The following MYO16 variants were observed in gnomAD, a reference collection of about 807,000 sequenced individuals.
The protein encoded by MYO16 is unconventional myosin-XVI.
MYO16 carries 94 observed loss-of-function variants against 205.3 expected under a neutral mutation model. The observed-to-expected ratio is 0.46, with a 90% CI of 0.39 to 0.54. The LOEUF (loss-of-function observed/expected upper bound fraction) is 0.54. Ranked by LOEUF, MYO16 falls within the 20% of genes least tolerant of loss-of-function variation. The pLI is 0.00. For synonymous variants in MYO16, 988 were observed against 954.0 expected (o/e 1.04, Z -0.66); for missense variants, 2,315 against 2,387.5 (o/e 0.97, Z 0.63).
the MYO16 span, among the ~76,000 whole-genome samples, chr13:108,554,564 T>C: frequency 6.6e-6 from 1 of 152,126 alleles, no homozygotes; most frequent in Non-Finnish European, 1.5e-5. Flanking sequence ...AAACCATCTG[T>C]CTCAGCCGGG....
intron 27 of MYO16, among the ~76,000 whole-genome samples, chr13:109,071,149 T>TA (rs779098927): frequency 6.6e-6 from 1 of 152,142 alleles, no homozygotes; most frequent in Non-Finnish European, 1.5e-5. Context: ...CATATTTTTT[T>TA]AAAAAACACG....
intron 7 of MYO16, among the ~76,000 whole-genome samples, chr13:108,810,641 T>C (rs536078852): frequency 2.1e-5 from 3 of 145,200 alleles, no homozygotes; most frequent in Non-Finnish European, 3.1e-5. Flanking sequence ...TGAATATCAA[T>C]TTATATGCAT....
intron 4 of MYO16, among the ~76,000 whole-genome samples, chr13:108,762,421 C>T (rs1329153486): frequency 1.3e-5 from 2 of 152,178 alleles, no homozygotes; most frequent in Non-Finnish European, 2.9e-5. Flanking sequence ...AATATCCATA[C>T]TGTTTTCCAT....
intron 4 of MYO16, among the ~76,000 whole-genome samples, chr13:108,775,127 C>T (rs1594284105): frequency 1.3e-5 from 2 of 152,258 alleles, no homozygotes; most frequent in South Asian, 2.1e-4. Context: ...ATACACACAC[C>T]AATACATGAA....
At chr13:108,786,328 A>C (rs918897755) in intron 5 of MYO16, among the ~76,000 whole-genome samples, 1 of 152,258 alleles carries the variant, frequency 6.6e-6, no homozygotes, top group Non-Finnish European at 1.5e-5. Context: ...ATACAGGTCC[A>C]GCATATAATT....
chr13:108,810,694 A>G (rs1887263624), intron 7 of MYO16, among the ~76,000 whole-genome samples: 1 of 152,160 alleles, frequency 6.6e-6, no homozygotes, highest in African/African-American at 2.4e-5. Context: ...CTGTAAATAT[A>G]TTGTATCTGT....
chr13:109,154,100 C>T (rs986351227), intron 32 of MYO16, among the ~76,000 whole-genome samples: 9 of 152,238 alleles, frequency 5.9e-5, no homozygotes, highest in Non-Finnish European at 2.9e-5. Context: ...TCCAGAATTT[C>T]GAGAAGAATT....
At chr13:108,839,726 ACTTCCTCCTC>A (rs1261408931) in intron 9 of MYO16, among the ~76,000 whole-genome samples, 1 of 152,114 alleles carries the variant, frequency 6.6e-6, no homozygotes, top group Non-Finnish European at 1.5e-5. Context: ...TGTTCTTCCT[ACTTCCTCCTC>A]CTCACTACAT....
chr13:108,562,328 C>T, the MYO16 span, among the ~76,000 whole-genome samples: 4 of 152,106 alleles, frequency 2.6e-5, no homozygotes, highest in South Asian at 2.1e-4. Flanking sequence ...CAAATACCAT[C>T]ACATTGGGGT....
At chr13:108,717,191 A>T (rs1883977135) in intron 3 of MYO16, among the ~76,000 whole-genome samples, 1 of 152,190 alleles carries the variant, frequency 6.6e-6, no homozygotes, top group Non-Finnish European at 1.5e-5. Flanking sequence ...GGCGCTCCCA[A>T]TGGTAACTGA....
intron 4 of MYO16, among the ~76,000 whole-genome samples, chr13:108,765,249 A>G (rs1885740541): frequency 6.6e-6 from 1 of 152,198 alleles, no homozygotes; most frequent in Non-Finnish European, 1.5e-5. Context: ...TGCATTATAT[A>G]AATATCATTA....
intron 23 of MYO16, among the ~76,000 whole-genome samples, chr13:109,043,638 T>TAACA (rs1886951039): frequency 6.6e-6 from 1 of 152,044 alleles, no homozygotes; most frequent in Admixed American, 6.6e-5. Flanking sequence ...GTCAAAATAA[T>TAACA]AAGTGATGGT....
At position 109,186,230 on chromosome 13, in the gene MYO16, C is replaced by T. The variant is rs114872753; in HGVS notation, c.5415+6597C>T. ...GATACAATAAGAAACTATTGATGAC[C>T]GACACATACTTAGTGCAAAATTATA... On this transcript the variant is annotated intron_variant, in intron 34 of 34. Transcript: ENST00000457511. Among the ~76,000 whole-genome samples the T allele has an allele frequency of 4.8e-3, 723 of 152,168 alleles. 9 individuals are homozygous for T. Among genetic ancestry groups the T allele is most frequent in the African/African-American group, 0.016 (680 of 41,510 alleles).
intron 32 of MYO16, among the ~76,000 whole-genome samples, chr13:109,155,154 A>G (rs1171847792): frequency 2.0e-5 from 3 of 152,120 alleles, no homozygotes; most frequent in Admixed American, 6.5e-5. Flanking sequence ...TGCTCAGCAC[A>G]TATGTTGTTG....
At chr13:108,652,934 G>C (rs1199659551) in intron 1 of MYO16, among the ~76,000 whole-genome samples, 1 of 152,206 alleles carries the variant, frequency 6.6e-6, no homozygotes, top group Non-Finnish European at 1.5e-5. Context: ...TCATATGATA[G>C]TTGAAGTTTT....
chr13:109,080,383 T>C (rs925791501), intron 27 of MYO16, among the ~76,000 whole-genome samples: 2 of 151,890 alleles, frequency 1.3e-5, no homozygotes, highest in Non-Finnish European at 2.9e-5. Context: ...TGGAGGCGAG[T>C]CCTATATTTG....
intron 9 of MYO16, among the ~76,000 whole-genome samples, chr13:108,833,234 A>G (rs1367320286): frequency 6.6e-6 from 1 of 151,130 alleles, no homozygotes; most frequent in Admixed American, 6.6e-5. Context: ...GTAATATTTT[A>G]CCATAATGGT....
chr13:108,934,051 G>T (rs1882376120), intron 16 of MYO16, among the ~76,000 whole-genome samples: 1 of 152,086 alleles, frequency 6.6e-6, no homozygotes, highest in Non-Finnish European at 1.5e-5. Flanking sequence ...GAATAATGCT[G>T]CAAAGAACAT....
the MYO16 span, among the ~76,000 whole-genome samples, chr13:108,566,641 A>G: frequency 6.6e-6 from 1 of 151,012 alleles, no homozygotes; most frequent in Non-Finnish European, 1.5e-5. Context: ...GAAAGAAAGA[A>G]AAGAAAAGAA....
Sources: gnomAD v4.1 joint callset for allele counts (sites outside exome capture counted in the v4.1 genomes callset) on GRCh38, gnomAD v4.1.1 for gene constraint, MANE v1.5 for transcripts, NCBI Gene and HGNC (gene_info 2026-07-23, HGNC 2026-07-21) for gene names.